MSI2: variants seen among roughly 807,000 people sequenced by gnomAD.
MSI2 encodes the protein musashi RNA binding protein 2, also known as RNA-binding protein Musashi homolog 2.
In MSI2, 17 loss-of-function variants were observed where a neutral mutation model predicts 45.6. The ratio of observed to expected loss-of-function variants is 0.37; its 90% CI spans 0.26 to 0.56. MSI2 has a LOEUF of 0.56. Among genes scored for constraint, MSI2 ranks in the 20% least tolerant of loss-of-function variants. The pLI, the probability that MSI2 is intolerant of heterozygous loss-of-function variation, is 0.77. For missense variants in MSI2, 293 were observed against 444.2 expected (o/e 0.66, Z 3.06); for synonymous variants, 156 against 158.2 (o/e 0.99, Z 0.11).
rs193042123 is a variant in MSI2, at chr17:57,668,790, C to T, written c.791-6182C>T. On this transcript the variant is annotated intron_variant, in intron 11 of 13. Transcript: ENST00000284073. ...ATCACATTGCTCTCTTAATCCTCCC[C>T]CAGTTTTAAAGTATTTTCCCCCTTC... 3.0e-4 allele frequency among the ~76,000 whole-genome samples: 46 copies of T among 152,300 alleles called. No homozygotes were observed. In the East Asian group the frequency reaches 8.5e-3, roughly 28 times the overall value.
At chr17:57,389,632 T>G (rs1209695216) in intron 5 of MSI2, among the ~76,000 whole-genome samples, 2 of 152,132 alleles carry the variant, frequency 1.3e-5, no homozygotes, top group Non-Finnish European at 2.9e-5. Context: ...CACAACAGGT[T>G]TGATGAGAGA....
At chr17:57,349,273 G>A (rs191967614) in intron 5 of MSI2, among the ~76,000 whole-genome samples, 2 of 152,306 alleles carry the variant, frequency 1.3e-5, no homozygotes, top group East Asian at 3.9e-4. Flanking sequence ...GCAGCCCGGG[G>A]ATTTTCAGTG....
intron 5 of MSI2, among the ~76,000 whole-genome samples, chr17:57,292,926 T>G (rs184095767): frequency 4.6e-5 from 7 of 152,204 alleles, no homozygotes; most frequent in Admixed American, 4.6e-4. Flanking sequence ...ACCCTGACTT[T>G]TGGAGTAAGA....
intron 6 of MSI2, among the ~76,000 whole-genome samples, chr17:57,485,358 G>C (rs191548004): frequency 6.6e-6 from 1 of 152,108 alleles, no homozygotes; most frequent in Admixed American, 6.5e-5. Flanking sequence ...TCTAAAGATC[G>C]CCTGGTTAAC....
chr17:57,532,079 G>C, intron 7 of MSI2: 1 of 152,426 alleles, frequency 6.6e-6, no homozygotes, highest in East Asian at 1.9e-4. Flanking sequence ...GTGGGCACTG[G>C]CAGGAAGGAG....
intron 5 of MSI2, among the ~76,000 whole-genome samples, chr17:57,351,028 T>A (rs792390): frequency 0.013 from 2,029 of 152,176 alleles, 42 homozygotes; most frequent in African/African-American, 0.046. Flanking sequence ...GAAATTCAGC[T>A]GTTGTGGAGG....
intron 10 of MSI2, among the ~76,000 whole-genome samples, chr17:57,643,368 G>A (rs1012290745): frequency 1.2e-4 from 18 of 152,254 alleles, no homozygotes; most frequent in African/African-American, 4.3e-4. Context: ...TCAAGCCGCA[G>A]AATCTGTTTG....
chr17:57,338,379 T>G (rs1914858714), intron 5 of MSI2, among the ~76,000 whole-genome samples: 1 of 152,226 alleles, frequency 6.6e-6, no homozygotes, highest in Non-Finnish European at 1.5e-5. Flanking sequence ...CATGAACCAC[T>G]GCACTGGCCT....
intron 6 of MSI2, among the ~76,000 whole-genome samples, chr17:57,512,618 A>G (rs1326989766): frequency 6.6e-6 from 1 of 152,202 alleles, no homozygotes; most frequent in Non-Finnish European, 1.5e-5. Flanking sequence ...AAACCATCTC[A>G]TGTCGGCACA....
At chr17:57,368,745 G>A (rs954078533) in intron 5 of MSI2, among the ~76,000 whole-genome samples, 9 of 152,180 alleles carry the variant, frequency 5.9e-5, no homozygotes, top group Non-Finnish European at 8.8e-5. Flanking sequence ...TATATGCTAG[G>A]TACTAAGGTA....
intron 7 of MSI2, among the ~76,000 whole-genome samples, chr17:57,583,309 T>C (rs939407525): frequency 6.6e-6 from 1 of 152,194 alleles, no homozygotes; most frequent in Non-Finnish European, 1.5e-5. Context: ...CCCACCCTCA[T>C]GGAAACATTT....
intron 7 of MSI2, among the ~76,000 whole-genome samples, chr17:57,555,106 C>G (rs184099462): frequency 3.7e-3 from 557 of 152,322 alleles, no homozygotes; most frequent in Non-Finnish European, 6.1e-3. Flanking sequence ...CAGGCTGCCC[C>G]ACTGACCCAT....
At chr17:57,646,649 G>T (rs1282712228) in intron 10 of MSI2, among the ~76,000 whole-genome samples, 2 of 152,210 alleles carry the variant, frequency 1.3e-5, no homozygotes, top group Non-Finnish European at 2.9e-5. Context: ...TGAAGGCTGG[G>T]CTTTGAGGCC....
At chr17:57,646,526 G>A (rs1202780760) in intron 10 of MSI2, among the ~76,000 whole-genome samples, 1 of 152,210 alleles carries the variant, frequency 6.6e-6, no homozygotes. Context: ...CTGAGATGAA[G>A]GGACGTTAGA....
At chr17:57,639,922 A>T (rs1294711553) in intron 10 of MSI2, among the ~76,000 whole-genome samples, 1 of 152,186 alleles carries the variant, frequency 6.6e-6, no homozygotes, top group African/African-American at 2.4e-5. Flanking sequence ...TGTTTAGCGT[A>T]TAGTCACCAA....
chr17:57,505,814 A>G (rs1238893027), intron 6 of MSI2, among the ~76,000 whole-genome samples: 1 of 152,184 alleles, frequency 6.6e-6, no homozygotes, highest in Non-Finnish European at 1.5e-5. Flanking sequence ...CATATGGGAA[A>G]TAAAAGCAGT....
intron 5 of MSI2, among the ~76,000 whole-genome samples, chr17:57,373,227 CA>C (rs35853201): frequency 7.4e-5 from 11 of 147,980 alleles, no homozygotes; most frequent in African/African-American, 1.2e-4. Context: ...TCCAGCCTGT[CA>C]AAAAAAAAAA....
chr17:57,652,309 C>A lies in MSI2; in HGVS notation c.790+148C>A. The A allele has an allele frequency of 2.4e-6, 2 of 816,822 alleles. No individual in the cohort carries two copies. Among genetic ancestry groups the A allele is most frequent in the Non-Finnish European group, 3.9e-6 (2 of 516,882 alleles). 50.6% of individuals were successfully genotyped at this position (816,822 alleles called of 1,614,324 possible). A position where few individuals can be genotyped will look rare whatever the true frequency, so the allele number is the denominator to read the frequency against. Reference sequence around the variant, plus strand: ...AGGGGGTGGACGGGGAGGGGGTGGACCGGGAGGCGCGGGCAAGGCCTGGCC... The same window carrying A: ...AGGGGGTGGACGGGGAGGGGGTGGAACGGGAGGCGCGGGCAAGGCCTGGCC... On this transcript the variant is annotated intron_variant, in intron 11 of 13. Coordinates refer to ENST00000284073, the MANE Select transcript of MSI2 (RefSeq NM_138962.4). The surrounding 1 kb of genome is among the most constrained non-coding windows in gnomAD (Gnocchi z 4.1).
intron 5 of MSI2, among the ~76,000 whole-genome samples, chr17:57,355,870 T>A (rs975465322): frequency 2.0e-5 from 3 of 152,232 alleles, no homozygotes; most frequent in Non-Finnish European, 4.4e-5. Context: ...GGCATTTAGA[T>A]GACATAGGCT....
Sources: allele counts gnomAD v4.1 joint callset (sites outside exome capture counted in the v4.1 genomes callset), GRCh38; gene constraint gnomAD v4.1.1; non-coding constraint Gnocchi (gnomAD v3.1); transcripts MANE v1.5; gene names NCBI Gene and HGNC (gene_info 2026-07-23, HGNC 2026-07-21).